DLC1: variants seen among roughly 807,000 people sequenced by gnomAD.
The protein encoded by DLC1 is rho GTPase-activating protein 7.
DLC1 carries 54 observed loss-of-function variants against 140.3 expected under a neutral mutation model. The observed-to-expected ratio is 0.38, with a 90% confidence interval of 0.31 to 0.48. The LOEUF (loss-of-function observed/expected upper bound fraction) is 0.48. Ranked by LOEUF, DLC1 falls within the 20% of genes least tolerant of loss-of-function variation. DLC1 has a pLI of 0.96. For missense variants in DLC1, 2,536 were observed against 1,907.0 expected (o/e 1.33, Z -6.14); for synonymous variants, 986 against 728.1 (o/e 1.35, Z -5.70).
rs767935883 is a variant in DLC1, at chr8:13,499,944, C to G, written c.128G>C (p.Ser43Thr). The change falls in exon 2 of 18, where the codon AGT becomes ACT. Residue 43 changes from serine to threonine, a missense_variant. By Grantham distance (58) the Ser-to-Thr change is moderately conservative. Transcript: ENST00000276297. ...ATTTAGAGTTGCATCTTTTTCCATACTTGCCTGCAAGCTGTCAGCTACTAG... is the reference window on the plus strand; with the variant it reads ...ATTTAGAGTTGCATCTTTTTCCATAGTTGCCTGCAAGCTGTCAGCTACTAG... ...HGLVADSLQA[S>T]MEKDATLNVD... 2 of 1,614,110 alleles carry G rather than the reference C, an allele frequency of 1.2e-6. No homozygotes were observed. Among genetic ancestry groups the G allele is most frequent in the Admixed American group, 3.3e-5 (2 of 60,014 alleles).
chr8:13,334,893 A>G (rs112158766), intron 4 of DLC1, among the ~76,000 whole-genome samples: 97 of 152,352 alleles, frequency 6.4e-4, no homozygotes, highest in African/African-American at 2.1e-3. Context: ...TTTAGGGGCA[A>G]TAGCTCATTT....
intron 2 of DLC1, among the ~76,000 whole-genome samples, chr8:13,469,717 A>T (rs1800117678): frequency 6.6e-6 from 1 of 152,224 alleles, no homozygotes; most frequent in African/African-American, 2.4e-5. Flanking sequence ...TATTATTGAG[A>T]TATATAGACT....
chr8:13,128,701 C>CG (rs1480347216), intron 5 of DLC1, among the ~76,000 whole-genome samples: 32 of 152,110 alleles, frequency 2.1e-4, no homozygotes, highest in Admixed American at 1.4e-3. Flanking sequence ...GGCATTGTGG[C>CG]GGCGCCTACT....
intron 2 of DLC1, among the ~76,000 whole-genome samples, chr8:13,465,331 C>G (rs541290913): frequency 6.6e-6 from 1 of 152,158 alleles, no homozygotes; most frequent in East Asian, 1.9e-4. Flanking sequence ...AAATTTTTTT[C>G]CTAATATTAT....
intron 5 of DLC1, among the ~76,000 whole-genome samples, chr8:13,299,032 T>C (rs1044405029): frequency 1.3e-5 from 2 of 152,190 alleles, no homozygotes; most frequent in African/African-American, 4.8e-5. Flanking sequence ...CTCAAAGTGA[T>C]ATTTTAGTGA....
chr8:13,579,293 G>A (rs1370420911), intron 1 of DLC1, among the ~76,000 whole-genome samples: 1 of 46,516 alleles, frequency 2.1e-5, no homozygotes, highest in Non-Finnish European at 4.2e-5. Context: ...TGGACTTAAA[G>A]TCAGATACCA....
chr8:13,537,431 G>C (rs146131191), intron 1 of DLC1, among the ~76,000 whole-genome samples: 1 of 152,100 alleles, frequency 6.6e-6, no homozygotes, highest in Non-Finnish European at 1.5e-5. Flanking sequence ...TGTCTGAAAT[G>C]CAGCTGAGAA....
intron 1 of DLC1, chr8:13,566,758 A>C: frequency 3.8e-6 from 2 of 531,518 alleles, no homozygotes. Context: ...AAGCAGCGCA[A>C]GCGCAGTGGG....
intron 5 of DLC1, among the ~76,000 whole-genome samples, chr8:13,121,196 A>T (rs759977092): frequency 6.6e-6 from 1 of 152,190 alleles, no homozygotes; most frequent in Non-Finnish European, 1.5e-5. Context: ...GCAAAGATTC[A>T]TGGAAAAGTT....
At chr8:13,424,361 C>T (rs1838456261) in intron 2 of DLC1, among the ~76,000 whole-genome samples, 1 of 151,920 alleles carries the variant, frequency 6.6e-6, no homozygotes, top group African/African-American at 2.4e-5. Context: ...TGGTGGTGCA[C>T]ACCTGTAATC....
chr8:13,562,990 A>T (rs920881564), intron 1 of DLC1, among the ~76,000 whole-genome samples: 1 of 152,254 alleles, frequency 6.6e-6, no homozygotes, highest in Non-Finnish European at 1.5e-5. Context: ...TGTATGAGAG[A>T]CGTATTTATA....
chr8:13,596,601 T>C (rs1805687983), intron 1 of DLC1, among the ~76,000 whole-genome samples: 1 of 152,014 alleles, frequency 6.6e-6, no homozygotes, highest in Non-Finnish European at 1.5e-5. Flanking sequence ...TGAGAGCATG[T>C]GAGCTTAGAA....
chr8:13,312,276 G>A lies in DLC1; in HGVS notation c.1315-6974C>T, dbSNP rs1488560021. On this transcript the variant is annotated intron_variant, in intron 4 of 17. Coordinates refer to ENST00000276297, the MANE Select transcript of DLC1 (RefSeq NM_182643.3). ...CTCGGGAGGCTGAGGCAGGAGAATG[G>A]CGTGAACCCGGGAGGCGGAGCTTGC... is the stretch of plus-strand genomic sequence containing the variant. 2.4e-5 allele frequency among the ~76,000 whole-genome samples: 3 copies of A among 124,076 alleles called. 1 individual carries two copies. Among genetic ancestry groups the A allele is most frequent in the African/African-American group, 9.3e-5 (3 of 32,360 alleles). 81.4% of individuals were successfully genotyped at this position (124,076 alleles called of 152,430 possible).
intron 2 of DLC1, among the ~76,000 whole-genome samples, chr8:13,469,638 G>C (rs1260131873): frequency 6.6e-6 from 1 of 152,136 alleles, no homozygotes; most frequent in Non-Finnish European, 1.5e-5. Context: ...TTCCCTAAAA[G>C]TTTTATTGAA....
At chr8:13,233,549 A>G (rs1829151129) in intron 5 of DLC1, among the ~76,000 whole-genome samples, 1 of 152,142 alleles carries the variant, frequency 6.6e-6, no homozygotes, top group Admixed American at 6.5e-5. Flanking sequence ...TTTTATTCCA[A>G]TCATGGAGTA....
chr8:13,588,237 G>C (rs1364118850), intron 1 of DLC1, among the ~76,000 whole-genome samples: 1 of 152,024 alleles, frequency 6.6e-6, no homozygotes, highest in Non-Finnish European at 1.5e-5. Context: ...GACAAACCCT[G>C]GTGCCCAGTT....
chr8:13,576,297 G>C (rs1319047284), intron 1 of DLC1, among the ~76,000 whole-genome samples: 1 of 152,166 alleles, frequency 6.6e-6, no homozygotes, highest in East Asian at 1.9e-4. Flanking sequence ...AGCCTCTACA[G>C]TGAAGGATTT....
intron 5 of DLC1, among the ~76,000 whole-genome samples, chr8:13,280,781 T>G (rs1262231630): frequency 2.6e-5 from 4 of 152,312 alleles, no homozygotes; most frequent in African/African-American, 9.6e-5. Flanking sequence ...TGCTGGAAGA[T>G]CCTTTCAAAA....
chr8:13,492,574 A>G (rs577261142), intron 2 of DLC1, among the ~76,000 whole-genome samples: 145 of 151,400 alleles, frequency 9.6e-4, no homozygotes, highest in African/African-American at 3.5e-3. Flanking sequence ...TGCCAGCCTT[A>G]TACGTCATTC....
Sources: gnomAD v4.1 joint callset for allele counts (sites outside exome capture counted in the v4.1 genomes callset) on GRCh38, gnomAD v4.1.1 for gene constraint, MANE v1.5 for transcripts, NCBI Gene and HGNC (gene_info 2026-07-23, HGNC 2026-07-21) for gene names.